The following PTPRD variants were observed in gnomAD, a reference collection of about 807,000 sequenced individuals.
PTPRD encodes receptor-type tyrosine-protein phosphatase delta.
Under a neutral mutation model 214.5 loss-of-function variants are expected in PTPRD, and 34 were observed. That is an observed-to-expected ratio of 0.16 (90% CI 0.12 to 0.21). The LOEUF (loss-of-function observed/expected upper bound fraction) is 0.21. Among genes scored for constraint, PTPRD ranks in the 10% least tolerant of loss-of-function variants. PTPRD has a pLI of 1.00. For missense variants in PTPRD, 2,545 were observed against 2,398.7 expected, an observed-to-expected ratio of 1.06 and a Z score of -1.27; for synonymous variants, 1,128 against 845.7, an observed-to-expected ratio of 1.33 and a Z score of -5.79.
intron 14 of PTPRD, among the ~76,000 whole-genome samples, chr9:8,550,519 C>A (rs1021191234): frequency 6.6e-6 from 1 of 152,076 alleles, no homozygotes; most frequent in Non-Finnish European, 1.5e-5. Context: ...GGTTAAATGA[C>A]CTACTGGATA....
chr9:10,523,676 G>C (rs1464291726), intron 2 of PTPRD, among the ~76,000 whole-genome samples: 1 of 146,530 alleles, frequency 6.8e-6, no homozygotes, highest in East Asian at 2.0e-4. Flanking sequence ...GAGAGAGAGA[G>C]AGAGAAAGCG....
intron 14 of PTPRD, among the ~76,000 whole-genome samples, chr9:8,567,545 C>T (rs1280651088): frequency 6.6e-6 from 1 of 152,194 alleles, no homozygotes; most frequent in Non-Finnish European, 1.5e-5. Flanking sequence ...GCACAGTCAT[C>T]ATGGTATTTC....
intron 12 of PTPRD, among the ~76,000 whole-genome samples, chr9:8,638,414 A>G (rs1035644210): frequency 2.0e-5 from 3 of 152,106 alleles, no homozygotes; most frequent in Admixed American, 2.0e-4. Context: ...AGCTCCACCA[A>G]TACATATATG....
At chr9:9,021,758 A>G (rs1234535114) in intron 10 of PTPRD, among the ~76,000 whole-genome samples, 1 of 152,196 alleles carries the variant, frequency 6.6e-6, no homozygotes, top group African/African-American at 2.4e-5. Flanking sequence ...TTTAGTAAAA[A>G]AAAGTTTTAA....
chr9:8,720,424 A>G (rs1250847006), intron 12 of PTPRD, among the ~76,000 whole-genome samples: 2 of 152,240 alleles, frequency 1.3e-5, no homozygotes, highest in Non-Finnish European at 2.9e-5. Context: ...GGACTAACCC[A>G]CATTCAAGGA....
chr9:9,653,720 G>A lies in PTPRD; in HGVS notation c.-286-78939C>T, dbSNP rs189097948. Among the ~76,000 whole-genome samples the A allele has an allele frequency of 6.5e-3, 986 of 152,236 alleles. 57 individuals are homozygous for A. The highest frequency in any genetic ancestry group is 0.063 in the Admixed American group (957 of 15,298). On this transcript the variant is annotated intron_variant, in intron 7 of 45. Transcript: ENST00000381196. ...AAATCCAGACCAATGGTAAAAATTA[G>A]TGTTTTGGATATTGCCAACATTTTA...
chr9:8,982,009 G>A (rs968119387), intron 11 of PTPRD, among the ~76,000 whole-genome samples: 1 of 151,968 alleles, frequency 6.6e-6, no homozygotes, highest in Admixed American at 6.6e-5. Flanking sequence ...ATAAATGAAA[G>A]TTAAGGTATG....
At chr9:10,127,037 A>T (rs1374880842) in intron 3 of PTPRD, among the ~76,000 whole-genome samples, 1 of 150,270 alleles carries the variant, frequency 6.7e-6, no homozygotes, top group African/African-American at 2.5e-5. Context: ...CTCTTCAGGG[A>T]AAGCAAGGGA....
intron 5 of PTPRD, among the ~76,000 whole-genome samples, chr9:9,937,925 T>G (rs2090140499): frequency 6.6e-6 from 1 of 152,314 alleles, no homozygotes; most frequent in Non-Finnish European, 1.5e-5. Context: ...GCTATGGATT[T>G]CTGAAGGTAC....
intron 10 of PTPRD, among the ~76,000 whole-genome samples, chr9:9,021,232 A>G (rs1407086013): frequency 6.6e-6 from 1 of 152,186 alleles, no homozygotes; most frequent in Non-Finnish European, 1.5e-5. Flanking sequence ...TCAGTCAGCA[A>G]TGGACTGCAT....
At chr9:9,119,110 T>C (rs558787026) in intron 10 of PTPRD, among the ~76,000 whole-genome samples, 1 of 152,346 alleles carries the variant, frequency 6.6e-6, no homozygotes, top group South Asian at 2.1e-4. Context: ...CAAACTTGTA[T>C]GTTCTTTAGT....
At chr9:10,224,293 T>C (rs2099581454) in intron 3 of PTPRD, among the ~76,000 whole-genome samples, 1 of 151,960 alleles carries the variant, frequency 6.6e-6, no homozygotes, top group African/African-American at 2.4e-5. Flanking sequence ...AATAAAGAGT[T>C]TATAAAATGT....
chr9:9,932,805 A>C lies in PTPRD; in HGVS notation c.-368+5702T>G, dbSNP rs566859988. On this transcript the variant is annotated intron_variant, in intron 5 of 45. Transcript: ENST00000381196. ...TTCACCAAAGTTGAAATGAAGGAAA[A>C]AATGTTAAGGGCAGCCAGAGAGAAA... Among the ~76,000 whole-genome samples, 382 of 123,546 alleles carry C rather than the reference A, an allele frequency of 3.1e-3. 2 individuals carry two copies. Among genetic ancestry groups the C allele is most frequent in the African/African-American group, 0.011 (363 of 32,614 alleles). 81.1% of individuals were successfully genotyped at this position (123,546 alleles called of 152,430 possible). A position where few individuals can be genotyped will look rare whatever the true frequency, so the allele number is the denominator to read the frequency against.
chr9:8,703,118 T>C (rs2098126211), intron 12 of PTPRD, among the ~76,000 whole-genome samples: 1 of 152,204 alleles, frequency 6.6e-6, no homozygotes, highest in East Asian at 1.9e-4. Flanking sequence ...TATGAAAAAG[T>C]ACTTGGGGAT....
intron 4 of PTPRD, among the ~76,000 whole-genome samples, chr9:9,952,029 G>A (rs916964389): frequency 6.6e-6 from 1 of 152,116 alleles, no homozygotes; most frequent in Non-Finnish European, 1.5e-5. Flanking sequence ...TAAAGATGCT[G>A]GAATATTTTT....
intron 8 of PTPRD, among the ~76,000 whole-genome samples, chr9:9,403,681 T>C (rs937518231): frequency 1.3e-5 from 2 of 152,106 alleles, no homozygotes; most frequent in African/African-American, 4.8e-5. Flanking sequence ...ATTAATTTTT[T>C]TATTAATTAA....
intron 7 of PTPRD, among the ~76,000 whole-genome samples, chr9:9,718,400 C>A (rs1564742322): frequency 6.6e-6 from 1 of 152,144 alleles, no homozygotes; most frequent in South Asian, 2.1e-4. Flanking sequence ...AGGGGAGGTG[C>A]AGCTGGGGCT....
intron 8 of PTPRD, among the ~76,000 whole-genome samples, chr9:9,555,538 A>G (rs1338068267): frequency 6.6e-6 from 1 of 152,136 alleles, no homozygotes; most frequent in Non-Finnish European, 1.5e-5. Context: ...GACACTTCAT[A>G]TATTGTGCCA....
chr9:9,836,535 T>C (rs533991469), intron 5 of PTPRD, among the ~76,000 whole-genome samples: 1 of 152,270 alleles, frequency 6.6e-6, no homozygotes, highest in South Asian at 2.1e-4. Flanking sequence ...ATCAGCATTC[T>C]AGTTTATGGG....
Sources: gnomAD v4.1 joint callset for allele counts (sites outside exome capture counted in the v4.1 genomes callset) on GRCh38, gnomAD v4.1.1 for gene constraint, MANE v1.5 for transcripts, NCBI Gene and HGNC (gene_info 2026-07-23, HGNC 2026-07-21) for gene names.